PRKCB: variants seen among roughly 807,000 people sequenced by gnomAD.
The protein encoded by PRKCB is protein kinase C beta, also known as protein kinase C beta type.
Under a neutral mutation model 81.5 loss-of-function variants are expected in PRKCB, and 13 were observed. That is an observed-to-expected ratio of 0.16 (90% CI 0.10 to 0.25). The LOEUF (loss-of-function observed/expected upper bound fraction) is 0.25, where lower values mean the gene tolerates loss of function less well. PRKCB is among the 10% of genes least tolerant of loss of function. The probability of loss-of-function intolerance (pLI) is 1.00; values close to 1 mark genes in which losing one functional copy is unlikely to be tolerated. For missense variants in PRKCB, 509 were observed against 875.7 expected, an observed-to-expected ratio of 0.58 and a Z score of 5.29; for synonymous variants, 335 against 321.4, an observed-to-expected ratio of 1.04 and a Z score of -0.45.
intron 3 of PRKCB, among the ~76,000 whole-genome samples, chr16:24,008,395 A>C (rs1215782315): frequency 6.6e-6 from 1 of 152,268 alleles, no homozygotes; most frequent in Non-Finnish European, 1.5e-5. Context: ...GCGTGTGGAC[A>C]TCTCTCCCAA....
At chr16:23,890,066 G>A (rs1482181920) in intron 2 of PRKCB, among the ~76,000 whole-genome samples, 1 of 152,148 alleles carries the variant, frequency 6.6e-6, no homozygotes, top group African/African-American at 2.4e-5. Context: ...TAGACACTCA[G>A]CACATATTTT....
chr16:24,122,600 C>T (rs1966812970), intron 8 of PRKCB, among the ~76,000 whole-genome samples: 1 of 152,082 alleles, frequency 6.6e-6, no homozygotes. Flanking sequence ...GCTGGGATGA[C>T]AGGTGCACAC....
chr16:24,009,518 G>C (rs1218384527), intron 3 of PRKCB, among the ~76,000 whole-genome samples: 1 of 150,328 alleles, frequency 6.7e-6, no homozygotes, highest in African/African-American at 2.5e-5. Context: ...TCCACCTCCC[G>C]GGTTCAAGTG....
rs150672547 is a variant in PRKCB at position 23,847,676 on chromosome 16, A to T, written c.205+10270A>T. Among the ~76,000 whole-genome samples the T allele has an allele frequency of 9.7e-4, 148 of 152,358 alleles. 1 individual carries two copies. The highest frequency in any genetic ancestry group is 3.4e-3 in the African/African-American group (141 of 41,578). On this transcript the variant is annotated intron_variant, in intron 2 of 16. Coordinates refer to ENST00000643927, the MANE Select transcript of PRKCB (RefSeq NM_002738.7). ...TCTAGGCATTGGAACTAGAACAGTGAACAGAACAGCATCGCTGGCTTCATG... is the reference window on the plus strand; with the variant it reads ...TCTAGGCATTGGAACTAGAACAGTGTACAGAACAGCATCGCTGGCTTCATG...
At chr16:23,947,968 T>G (rs1298098773) in intron 2 of PRKCB, among the ~76,000 whole-genome samples, 1 of 141,510 alleles carries the variant, frequency 7.1e-6, no homozygotes, top group Non-Finnish European at 1.5e-5. Context: ...AGAAACCCAC[T>G]CGCCCAACCT....
At chr16:24,106,470 T>C (rs117550161) in intron 7 of PRKCB, among the ~76,000 whole-genome samples, 1 of 152,140 alleles carries the variant, frequency 6.6e-6, no homozygotes, top group Non-Finnish European at 1.5e-5. Context: ...AAAAATGAAA[T>C]CTTACTGTGC....
rs192646395 is a variant in PRKCB, at chr16:24,156,431, C to T, written c.1239+1574C>T. Among the ~76,000 whole-genome samples the T allele has an allele frequency of 9.2e-5, 14 of 152,164 alleles. No individual in the cohort carries two copies. The East Asian group carries it at 2.3e-3, about 25-fold the overall frequency. On this transcript the variant is annotated intron_variant, in intron 10 of 16. Transcript: ENST00000643927. Reference sequence around the variant, plus strand: ...CTAGGACTACAGGCACACACCACCACGCCCAGCTAATTTTTGAACTTTTAG... The same window carrying T: ...CTAGGACTACAGGCACACACCACCATGCCCAGCTAATTTTTGAACTTTTAG...
chr16:24,047,301 C>T (rs1250130468), intron 5 of PRKCB, among the ~76,000 whole-genome samples: 1 of 152,000 alleles, frequency 6.6e-6, no homozygotes, highest in Non-Finnish European at 1.5e-5. Flanking sequence ...GAGATTGTGC[C>T]ACCGCACTCC....
intron 2 of PRKCB, among the ~76,000 whole-genome samples, chr16:23,930,177 T>C (rs577752697): frequency 6.6e-6 from 1 of 152,206 alleles, no homozygotes; most frequent in South Asian, 2.1e-4. Context: ...GAGGCAGATG[T>C]TGACGGAGCC....
At chr16:24,181,035 C>T (rs1967613797) in intron 13 of PRKCB, 107 bp downstream of exon 13, 17 of 1,383,430 alleles carry the variant, frequency 1.2e-5, no homozygotes, top group Non-Finnish European at 1.6e-5. Flanking sequence ...GCAAGGGAAC[C>T]TCGGACAGAT....
intron 3 of PRKCB, among the ~76,000 whole-genome samples, chr16:24,000,458 C>T (rs892562645): frequency 1.3e-5 from 2 of 152,174 alleles, no homozygotes; most frequent in Non-Finnish European, 2.9e-5. Context: ...TGATTCTGCC[C>T]AGATACTCAT....
intron 2 of PRKCB, among the ~76,000 whole-genome samples, chr16:23,887,349 C>T (rs1336775600): frequency 6.6e-6 from 1 of 152,170 alleles, no homozygotes; most frequent in Non-Finnish European, 1.5e-5. Context: ...TTACCCCCTT[C>T]TCTCCCTCCT....
intron 5 of PRKCB, among the ~76,000 whole-genome samples, chr16:24,039,579 C>A (rs1965673282): frequency 6.6e-6 from 1 of 152,318 alleles, no homozygotes; most frequent in African/African-American, 2.4e-5. Flanking sequence ...GTTATGACAG[C>A]CTGAGCTGGC....
chr16:23,993,936 T>TA (rs767310056), intron 3 of PRKCB, among the ~76,000 whole-genome samples: 10 of 152,166 alleles, frequency 6.6e-5, no homozygotes, highest in African/African-American at 1.7e-4. Context: ...ACTTGAATCA[T>TA]AAAAATAGAG....
intron 5 of PRKCB, among the ~76,000 whole-genome samples, chr16:24,065,041 C>T (rs1267279773): frequency 6.8e-6 from 1 of 147,150 alleles, no homozygotes; most frequent in Non-Finnish European, 1.5e-5. Flanking sequence ...GGAAATATAT[C>T]TATATATAAA....
intron 16 of PRKCB, among the ~76,000 whole-genome samples, chr16:24,200,845 G>T (rs1967946465): frequency 6.6e-6 from 1 of 152,176 alleles, no homozygotes; most frequent in Admixed American, 6.5e-5. Flanking sequence ...TCTAACACAT[G>T]AACTTTGGCG....
intron 2 of PRKCB, among the ~76,000 whole-genome samples, chr16:23,921,455 G>A (rs895079468): frequency 8.5e-5 from 13 of 152,278 alleles, no homozygotes; most frequent in Middle Eastern, 3.4e-3. Flanking sequence ...GAGACAGCCT[G>A]ATCGTTATAA....
rs1402186501 is a variant in PRKCB at position 24,216,847 on chromosome 16, C to T, written c.*2031C>T. On this transcript the variant is annotated 3_prime_UTR_variant, in exon 17 of 17. Transcript: ENST00000643927. ...AAAGAGGAAGGAATTTGCCCAAAGT[C>T]AGTCAGCTGGGATAAAAACCTGGGT... The T allele has an allele frequency of 3.0e-6, 3 of 985,354 alleles. No homozygotes were observed. In the Admixed American group the frequency reaches 1.8e-4, roughly 61 times the overall value. The allele number at this position is 985,354 out of a possible 1,614,324, so 61.0% of individuals were successfully genotyped here. A position where few individuals can be genotyped will look rare whatever the true frequency, so the allele number is the denominator to read the frequency against.
chr16:24,009,659 G>A (rs1482330406), intron 3 of PRKCB, among the ~76,000 whole-genome samples: 1 of 151,900 alleles, frequency 6.6e-6, no homozygotes. Context: ...TACACTGTTG[G>A]CAGGAATACA....
Sources: gnomAD v4.1 joint callset for allele counts (sites outside exome capture counted in the v4.1 genomes callset) on GRCh38, gnomAD v4.1.1 for gene constraint, MANE v1.5 for transcripts, NCBI Gene and HGNC (gene_info 2026-07-23, HGNC 2026-07-21) for gene names.